Variants in RIT2 observed in about 807,000 individuals in gnomAD.
RIT2 encodes GTP-binding protein Rit2.
Under a neutral mutation model 23.7 loss-of-function variants are expected in RIT2, and 24 were observed. The ratio of observed to expected loss-of-function variants is 1.01; its 90% CI spans 0.73 to 1.43. The LOEUF (loss-of-function observed/expected upper bound fraction) is 1.43, where lower values mean the gene tolerates loss of function less well. RIT2 is among the 40% of genes most tolerant of loss of function. The pLI is 0.00. For synonymous variants in RIT2, 107 were observed against 91.1 expected (o/e 1.17, Z -0.99); for missense variants, 236 against 266.9 (o/e 0.88, Z 0.81).
chr18:43,028,182 G>A (rs1911775819), intron 2 of RIT2, among the ~76,000 whole-genome samples: 2 of 152,074 alleles, frequency 1.3e-5, no homozygotes, highest in South Asian at 4.1e-4. Context: ...TCATATGTGT[G>A]TATGTGTCTG....
At chr18:42,905,023 A>C (rs1335444797) in intron 4 of RIT2, among the ~76,000 whole-genome samples, 2 of 152,174 alleles carry the variant, frequency 1.3e-5, no homozygotes, top group African/African-American at 4.8e-5. Flanking sequence ...TTGGAATAAA[A>C]TTTGTCAATA....
At chr18:42,745,867 G>A (rs1346370360) in intron 4 of RIT2, among the ~76,000 whole-genome samples, 1 of 151,898 alleles carries the variant, frequency 6.6e-6, no homozygotes, top group African/African-American at 2.4e-5. Context: ...ATTTTGTATA[G>A]CAATACAACA....
intron 3 of RIT2, among the ~76,000 whole-genome samples, chr18:42,961,786 A>G (rs1910099145): frequency 6.6e-6 from 1 of 152,156 alleles, no homozygotes; most frequent in African/African-American, 2.4e-5. Context: ...TTCTTTAACC[A>G]CCACAACTAC....
chr18:42,822,673 GT>G (rs113921402), intron 4 of RIT2, among the ~76,000 whole-genome samples: 3,055 of 151,968 alleles, frequency 0.02, 93 homozygotes, highest in African/African-American at 0.068. Flanking sequence ...TGTGCATCCT[GT>G]TTTTTTCTGC....
intron 2 of RIT2, among the ~76,000 whole-genome samples, chr18:42,985,201 A>G: frequency 6.6e-6 from 1 of 152,158 alleles, no homozygotes; most frequent in East Asian, 1.9e-4. Flanking sequence ...TCAAATTCCA[A>G]AGAATAAATC....
chr18:43,074,160 A>T (rs1174866050), intron 1 of RIT2, among the ~76,000 whole-genome samples: 1 of 152,232 alleles, frequency 6.6e-6, no homozygotes, highest in Non-Finnish European at 1.5e-5. Context: ...GCATAAGAAC[A>T]GTGGCAGTAA....
chr18:42,817,947 A>G (rs1906043557), intron 4 of RIT2, among the ~76,000 whole-genome samples: 1 of 151,892 alleles, frequency 6.6e-6, no homozygotes, highest in African/African-American at 2.4e-5. Flanking sequence ...TTTGTGCTAT[A>G]TTTTCTGTTA....
intron 1 of RIT2, among the ~76,000 whole-genome samples, chr18:43,106,734 T>A (rs1003912308): frequency 1.3e-5 from 2 of 152,166 alleles, no homozygotes; most frequent in African/African-American, 4.8e-5. Context: ...CTTGGAGTAT[T>A]TGGGGACCAG....
chr18:42,917,002 G>T (rs80342385), intron 4 of RIT2, among the ~76,000 whole-genome samples: 3,568 of 152,198 alleles, frequency 0.023, 114 homozygotes, highest in African/African-American at 0.075. Flanking sequence ...GAAATGGCTG[G>T]AAATGTATGC....
intron 1 of RIT2, among the ~76,000 whole-genome samples, chr18:43,041,934 T>A (rs960736963): frequency 6.6e-6 from 1 of 152,052 alleles, no homozygotes; most frequent in Non-Finnish European, 1.5e-5. Flanking sequence ...CAAAATAATA[T>A]ATATATATAG....
intron 4 of RIT2, among the ~76,000 whole-genome samples, chr18:42,919,929 A>C (rs1420614061): frequency 6.6e-6 from 1 of 152,124 alleles, no homozygotes; most frequent in Non-Finnish European, 1.5e-5. Flanking sequence ...TCAAGGACCT[A>C]ATGTTGTTCA....
chr18:42,780,124 G>T (rs1320543290), intron 4 of RIT2, among the ~76,000 whole-genome samples: 1 of 135,814 alleles, frequency 7.4e-6, no homozygotes. Flanking sequence ...GGGTCCTGAG[G>T]ACATGTACCC....
intron 2 of RIT2, among the ~76,000 whole-genome samples, chr18:42,991,992 C>G (rs901380989): frequency 6.6e-6 from 1 of 151,962 alleles, no homozygotes; most frequent in African/African-American, 2.4e-5. Flanking sequence ...TATTTCTGCA[C>G]CCCGACCTCT....
chr18:42,770,064 T>C (rs902203736), intron 4 of RIT2, among the ~76,000 whole-genome samples: 9 of 151,748 alleles, frequency 5.9e-5, no homozygotes, highest in Admixed American at 5.9e-4. Flanking sequence ...GAAAGTGCAG[T>C]TTATGGCTGT....
In RIT2 at chr18:42,960,401, G is replaced by C. The variant is rs531101953; in HGVS notation, c.234+13673C>G. ...ACGATCTCAGCTCACCGCAACCTCT[G>C]CCTCCTGGGTTTAAGCAATTTTCCT... On this transcript the variant is annotated intron_variant, in intron 3 of 4. Coordinates refer to ENST00000326695, the MANE Select transcript of RIT2 (RefSeq NM_002930.4). Among the ~76,000 whole-genome samples the C allele has an allele frequency of 5.7e-4, 86 of 152,160 alleles. 1 individual carries two copies. The highest frequency in any genetic ancestry group is 8.2e-4 in the Non-Finnish European group (56 of 68,022).
chr18:43,066,675 G>A (rs532306705), intron 1 of RIT2, among the ~76,000 whole-genome samples: 2 of 152,022 alleles, frequency 1.3e-5, no homozygotes, highest in Non-Finnish European at 2.9e-5. Context: ...GAGATTCAAT[G>A]GTAGAGAAAT....
chr18:42,758,681 T>G (rs1913225270), intron 4 of RIT2, among the ~76,000 whole-genome samples: 1 of 16,372 alleles, frequency 6.1e-5, no homozygotes, highest in African/African-American at 8.7e-5. Flanking sequence ...ACCCGGCTAA[T>G]TTTTTTTTTT....
At chr18:42,915,368 A>T (rs1308946991) in intron 4 of RIT2, among the ~76,000 whole-genome samples, 1 of 152,004 alleles carries the variant, frequency 6.6e-6, no homozygotes, top group Non-Finnish European at 1.5e-5. Context: ...CCTTTTTGGC[A>T]CCTTTTTGAA....
At chr18:42,784,601 T>C (rs1226319144) in intron 4 of RIT2, among the ~76,000 whole-genome samples, 2 of 152,188 alleles carry the variant, frequency 1.3e-5, no homozygotes, top group African/African-American at 2.4e-5. Flanking sequence ...GTCCACCAAA[T>C]CAGAGAAATT....
Sources: allele counts gnomAD v4.1 joint callset (sites outside exome capture counted in the v4.1 genomes callset), GRCh38; gene constraint gnomAD v4.1.1; transcripts MANE v1.5; gene names NCBI Gene and HGNC (gene_info 2026-07-23, HGNC 2026-07-21).